Variants in LEMD2 observed in about 807,000 individuals in gnomAD.
LEMD2 encodes the protein LEM domain-containing protein 2.
A neutral mutation model predicts 58.8 loss-of-function variants in LEMD2; 34 were observed. That is an observed-to-expected ratio of 0.58 (90% confidence interval 0.44 to 0.77). The LOEUF is 0.77. Among genes scored for constraint, LEMD2 ranks in the 30% least tolerant of loss-of-function variants. The pLI, the probability that LEMD2 is intolerant of heterozygous loss-of-function variation, is 0.00. For synonymous variants in LEMD2, 298 were observed against 308.9 expected (o/e 0.96, Z 0.37); for missense variants, 629 against 717.9 (o/e 0.88, Z 1.42).
In LEMD2 at chr6:33,787,127, TAGG is replaced by T. The variant is rs1353048845; in HGVS notation, c.737-356_737-354del. On this transcript the variant is annotated intron_variant, in intron 1 of 8. Coordinates refer to ENST00000293760, the MANE Select transcript of LEMD2 (RefSeq NM_181336.4). Reference sequence around the variant, plus strand: ...AGTTAGGCCCAAACAAAACAAAATATAGGAGTTTTGTAAACAATGATATGTTAA... The same window carrying T: ...AGTTAGGCCCAAACAAAACAAAATATAGTTTTGTAAACAATGATATGTTAA... The T allele has an allele frequency of 3.0e-5, 8 of 263,536 alleles. No homozygotes were observed. The South Asian group carries it at 4.0e-4, about 13-fold the overall frequency. 16.3% of individuals were successfully genotyped at this position (263,536 alleles called of 1,614,324 possible). A position where few individuals can be genotyped will look rare whatever the true frequency, so the allele number is the denominator to read the frequency against.
chr6:33,785,961 G>A (rs1767667253), intron 2 of LEMD2, among the ~76,000 whole-genome samples: 1 of 152,192 alleles, frequency 6.6e-6, no homozygotes, highest in African/African-American at 2.4e-5. Context: ...CTGGCCAGAG[G>A]ACCATGCGTC....
At chr6:33,784,211 A>C in intron 3 of LEMD2, 141 bp downstream of exon 3, 1 of 720,962 alleles carries the variant, frequency 1.4e-6, no homozygotes, top group Non-Finnish European at 2.5e-6. Flanking sequence ...AGAAGGTGAG[A>C]CTCGGCTTCT....
intron 4 of LEMD2, 91 bp from the exon 5 acceptor site, chr6:33,780,270 G>T (rs535558555): frequency 9.1e-5 from 103 of 1,135,168 alleles, no homozygotes; most frequent in Non-Finnish European, 1.3e-4. Flanking sequence ...GCCCTCTCCC[G>T]TGTCCTCCAC....
At chr6:33,781,515 A>C (rs1767565134) in intron 3 of LEMD2, 1 of 214,672 alleles carries the variant, frequency 4.7e-6, no homozygotes, top group African/African-American at 2.3e-5. Flanking sequence ...AAAGGCAGGG[A>C]GGCCATGGGC....
At chr6:33,774,144 T>A (rs1335238209) in intron 8 of LEMD2, among the ~76,000 whole-genome samples, 1 of 151,568 alleles carries the variant, frequency 6.6e-6, no homozygotes, top group Non-Finnish European at 1.5e-5. Flanking sequence ...TACCCTTGGA[T>A]GATGCCCACG....
chr6:33,784,341 G>C lies in LEMD2; in HGVS notation c.853+11C>G. 6.2e-7 allele frequency: 1 copy of C among 1,608,942 alleles called. No homozygotes were observed. Among genetic ancestry groups the C allele is most frequent in the Non-Finnish European group, 8.5e-7 (1 of 1,175,418 alleles). On this transcript the variant is annotated intron_variant, in intron 3 of 8. Transcript: ENST00000293760. ...ACAAGAGGAATCTCAGGACTTACGT[G>C]ACTTACTCACCAGCTTGGATGGCCA...
In LEMD2 at chr6:33,788,916, C is replaced by T; in HGVS notation, c.201G>A (p.Arg67=). 6.8e-7 allele frequency: 1 copy of T among 1,465,848 alleles called. No homozygotes were observed. Among genetic ancestry groups the T allele is most frequent in the South Asian group, 1.3e-5 (1 of 75,716 alleles). The allele number at this position is 1,465,848 out of a possible 1,614,324, so 90.8% of individuals were successfully genotyped here. Residue 67 remains arginine, a synonymous_variant, in exon 1 of 9, where the codon CGG becomes CGA. Transcript: ENST00000293760. ...RGEERLREEA[R]LREDAPLRAR... ...CGCGCAGCGGCGCATCCTCGCGTAA[C>T]CGGGCCTCTTCCCGTAACCGCTCCT...
In LEMD2 at chr6:33,772,600, T is replaced by A. The variant is rs373186680; in HGVS notation, c.*28A>T. The A allele has an allele frequency of 6.2e-7, 1 of 1,603,626 alleles. No homozygotes were observed. Among genetic ancestry groups the A allele is most frequent in the African/African-American group, 1.3e-5 (1 of 74,848 alleles). On this transcript the variant is annotated 3_prime_UTR_variant, in exon 9 of 9. Transcript: ENST00000293760. ...TGGAGTGGGCTGTCCTGGGACAGGCTGACCGGGAACAAGTCCCCGCCCGGG... is the reference window on the plus strand; with the variant it reads ...TGGAGTGGGCTGTCCTGGGACAGGCAGACCGGGAACAAGTCCCCGCCCGGG...
rs1387271166 is a variant in LEMD2, at chr6:33,771,719, A to T, written c.*909T>A. Reference sequence around the variant, plus strand: ...CCACTGCGCCTCTCCCGCCGCCAAGAGCCGCGGCCGGGGTAACAGAAACGC... The same window carrying T: ...CCACTGCGCCTCTCCCGCCGCCAAGTGCCGCGGCCGGGGTAACAGAAACGC... On this transcript the variant is annotated 3_prime_UTR_variant, in exon 9 of 9. Coordinates refer to ENST00000293760, the MANE Select transcript of LEMD2 (RefSeq NM_181336.4). The T allele has an allele frequency of 6.6e-6, 1 of 152,208 alleles. No homozygotes were observed. The highest frequency in any genetic ancestry group is 1.5e-5 in the Non-Finnish European group (1 of 68,034). The allele number at this position is 152,208 out of a possible 1,614,324, so 9.4% of individuals were successfully genotyped here.
rs1427067858 is a variant in LEMD2 at position 33,771,472 on chromosome 6, AGGCAGCTGT to A, written c.*1147_*1155del. On this transcript the variant is annotated 3_prime_UTR_variant, in exon 9 of 9. Transcript: ENST00000293760. ...AGAGAGGGGTGGTTAATGTTTCTGG[AGGCAGCTGT>A]GGAATTTCCTGTTTGCTCCCCCTCT... The A allele has an allele frequency of 6.6e-6, 1 of 152,256 alleles. No individual in the cohort carries two copies. The highest frequency in any genetic ancestry group is 2.4e-5 in the African/African-American group (1 of 41,460). 9.4% of individuals were successfully genotyped at this position (152,256 alleles called of 1,614,324 possible).
chr6:33,779,889 G>A (rs113874407), intron 5 of LEMD2: 4 of 518,510 alleles, frequency 7.7e-6, no homozygotes, highest in African/African-American at 3.8e-5. Flanking sequence ...CCTGGATTTT[G>A]TGTCTCATCT....
chr6:33,778,470 G>T lies in LEMD2; in HGVS notation c.1011-83C>A. 2 of 1,198,476 alleles carry T rather than the reference G, an allele frequency of 1.7e-6. No homozygotes were observed. Among genetic ancestry groups the T allele is most frequent in the Non-Finnish European group, 2.2e-6 (2 of 891,470 alleles). 74.2% of individuals were successfully genotyped at this position (1,198,476 alleles called of 1,614,324 possible). ...AGCCCCACTTCAAACAGGAGGAAGCGAAGGAAAGTGGGGACGCAAGGCCTC... is the reference window on the plus strand; with the variant it reads ...AGCCCCACTTCAAACAGGAGGAAGCTAAGGAAAGTGGGGACGCAAGGCCTC... On this transcript the variant is annotated intron_variant, in intron 5 of 8. Transcript: ENST00000293760. The surrounding 1 kb of genome is among the most constrained non-coding windows in gnomAD (Gnocchi z 4.7).
In LEMD2 at chr6:33,788,719, G is replaced by C; in HGVS notation, c.398C>G (p.Ala133Gly). 7.0e-7 allele frequency: 1 copy of C among 1,424,512 alleles called. No homozygotes were observed. The highest frequency in any genetic ancestry group is 9.2e-7 in the Non-Finnish European group (1 of 1,089,730). The allele number at this position is 1,424,512 out of a possible 1,614,324, so 88.2% of individuals were successfully genotyped here. The change falls in exon 1 of 9, where the codon GCC becomes GGC. Residue 133 changes from alanine to glycine, a missense_variant. Physicochemically the swap from Ala to Gly is moderately conservative, Grantham distance 60. Around this residue, in one of 2 missense-constraint regions of LEMD2, gnomAD observed 386 missense variants for 381.1 expected, o/e 1.01. Transcript: ENST00000293760. The part of the protein sequence containing the change: ...PARPAQLRRR[A>G]SVRGSSEEDE... ...CTCCTCGGAGCTGCCCCGGACCGAGGCGCGGCGCCTGAGTTGCGCCGGGCG... is the reference window on the plus strand; with the variant it reads ...CTCCTCGGAGCTGCCCCGGACCGAGCCGCGGCGCCTGAGTTGCGCCGGGCG...
chr6:33,785,075 C>T (rs999745560), intron 2 of LEMD2, among the ~76,000 whole-genome samples: 7 of 152,134 alleles, frequency 4.6e-5, no homozygotes, highest in Non-Finnish European at 7.4e-5. Flanking sequence ...ACGTTTTCAG[C>T]AGCACAAAGG....
In LEMD2 at chr6:33,789,083, C is replaced by G; in HGVS notation, c.34G>C (p.Glu12Gln). The change falls in exon 1 of 9, where the codon GAG (glutamate) becomes CAG (glutamine). Residue 12 changes from glutamate to glutamine, a missense_variant. This residue lies in a region of LEMD2 where 386 missense variants were observed against 381.1 expected (regional missense o/e 1.01). Transcript: ENST00000293760. ...GGCTGGAAGCCCAGGGCCTGCAGCT[C>G]CCGCCGCAGTTCCAGGTCCGACAGG... ...AGLSDLELRR[E>Q]LQALGFQPGP... 1 of 1,541,914 alleles carries G rather than the reference C, an allele frequency of 6.5e-7. No homozygotes were observed. The highest frequency in any genetic ancestry group is 8.7e-7 in the Non-Finnish European group (1 of 1,153,852).
At position 33,772,277 on chromosome 6, in the gene LEMD2, T is replaced by G; in HGVS notation, c.*351A>C. Reference sequence around the variant, plus strand: ...CCCACCTCCCAGGTGACAGACTCCCTGGCGTGGCCATGCCCCAGCCCACCA... The same window carrying G: ...CCCACCTCCCAGGTGACAGACTCCCGGGCGTGGCCATGCCCCAGCCCACCA... On this transcript the variant is annotated 3_prime_UTR_variant, in exon 9 of 9. Coordinates refer to ENST00000293760, the MANE Select transcript of LEMD2 (RefSeq NM_181336.4). 1 of 181,542 alleles carries G rather than the reference T, an allele frequency of 5.5e-6. No individual in the cohort carries two copies. The allele number at this position is 181,542 out of a possible 1,614,324, so 11.2% of individuals were successfully genotyped here.
chr6:33,780,426 A>G, intron 4 of LEMD2: 1 of 522,244 alleles, frequency 1.9e-6, no homozygotes, highest in East Asian at 3.6e-5. Flanking sequence ...GGCGGCCAAA[A>G]GAATATGATT....
At chr6:33,784,470 G>GT in intron 2 of LEMD2, 43 bp from the exon 3 acceptor site, 1 of 457,090 alleles carries the variant, frequency 2.2e-6, no homozygotes, top group Non-Finnish European at 4.4e-6. Flanking sequence ...AGGGGTGGGT[G>GT]GGAGGGGTCC....
At chr6:33,774,590 C>T (rs1467575427) in intron 8 of LEMD2, among the ~76,000 whole-genome samples, 2 of 151,966 alleles carry the variant, frequency 1.3e-5, no homozygotes, top group Admixed American at 1.3e-4. Flanking sequence ...CCACCATGCC[C>T]GGCTAATTTT....
Sources: allele counts gnomAD v4.1 joint callset (sites outside exome capture counted in the v4.1 genomes callset), GRCh38; gene constraint gnomAD v4.1.1; regional missense constraint gnomAD v4.1.1; non-coding constraint Gnocchi (gnomAD v3.1); transcripts MANE v1.5; gene names NCBI Gene and HGNC (gene_info 2026-07-23, HGNC 2026-07-21).